NCK2: variants seen among roughly 807,000 people sequenced by gnomAD.
The protein encoded by NCK2 is cytoplasmic protein NCK2.
In NCK2, 16 loss-of-function variants were observed where a neutral mutation model predicts 33.9. The observed-to-expected ratio is 0.47, with a 90% CI of 0.32 to 0.72. The LOEUF (loss-of-function observed/expected upper bound fraction) is 0.72. Ranked by LOEUF, NCK2 falls within the 30% of genes least tolerant of loss-of-function variation. NCK2 has a pLI of 0.03. For missense variants in NCK2, 418 were observed against 537.3 expected (o/e 0.78, Z 2.19); for synonymous variants, 273 against 239.9 (o/e 1.14, Z -1.27).
chr2:105,821,678 C>T (rs927194066), intron 2 of NCK2, among the ~76,000 whole-genome samples: 4 of 152,030 alleles, frequency 2.6e-5, no homozygotes, highest in African/African-American at 9.7e-5. Flanking sequence ...GGCAGGTGCC[C>T]GGCACAGGGC....
At chr2:105,877,069 G>T (rs776743782) in intron 3 of NCK2, among the ~76,000 whole-genome samples, 1 of 152,140 alleles carries the variant, frequency 6.6e-6, no homozygotes, top group Admixed American at 6.5e-5. Flanking sequence ...ACAAGGGATC[G>T]CTGAGTCCCC....
At chr2:105,832,546 C>T (rs751752022) in intron 2 of NCK2, among the ~76,000 whole-genome samples, 2 of 152,124 alleles carry the variant, frequency 1.3e-5, no homozygotes, top group Non-Finnish European at 2.9e-5. Context: ...CTACATTTAT[C>T]GAGATGATCA....
At chr2:105,822,901 A>G (rs1675797434) in intron 2 of NCK2, among the ~76,000 whole-genome samples, 1 of 151,994 alleles carries the variant, frequency 6.6e-6, no homozygotes. Context: ...CCAGCGTTGG[A>G]TGGTGACCTG....
chr2:105,862,411 G>C (rs998697018), intron 3 of NCK2, among the ~76,000 whole-genome samples: 5 of 152,194 alleles, frequency 3.3e-5, no homozygotes, highest in Non-Finnish European at 7.3e-5. Context: ...AGCCTCAGTA[G>C]TGTTACTAAT....
chr2:105,765,743 G>A (rs1006790494), intron 1 of NCK2, among the ~76,000 whole-genome samples: 48 of 151,452 alleles, frequency 3.2e-4, no homozygotes, highest in South Asian at 2.1e-4. Flanking sequence ...TTTCACACCC[G>A]TAACAGGCAG....
chr2:105,792,765 G>A (rs1158986851), intron 1 of NCK2, among the ~76,000 whole-genome samples: 2 of 152,136 alleles, frequency 1.3e-5, no homozygotes, highest in Non-Finnish European at 2.9e-5. Flanking sequence ...TTCTGGCAAG[G>A]CTGCCCCTTA....
chr2:105,774,529 G>GAAC (rs968541772), intron 1 of NCK2, among the ~76,000 whole-genome samples: 23 of 152,196 alleles, frequency 1.5e-4, no homozygotes, highest in African/African-American at 5.3e-4. Context: ...TGAGCCCCTG[G>GAAC]AACAATGTAT....
Position 105,769,222 on chromosome 2 carries a change from A to G in NCK2, c.-201+24084A>G, listed in dbSNP as rs748247708. On this transcript the variant is annotated intron_variant, in intron 1 of 4. Transcript: ENST00000233154. Reference sequence around the variant, plus strand: ...GCCAGAAACCAGGGACCAAGACCAGAGATCTTTTTTATTATCCACCTGGGC... The same window carrying G: ...GCCAGAAACCAGGGACCAAGACCAGGGATCTTTTTTATTATCCACCTGGGC... 4.6e-5 allele frequency among the ~76,000 whole-genome samples: 7 copies of G among 151,946 alleles called. No homozygotes were observed. The East Asian group carries it at 1.4e-3, about 30-fold the overall frequency.
chr2:105,764,114 C>T lies in NCK2; in HGVS notation c.-201+18976C>T, dbSNP rs190207735. 7.0e-4 allele frequency among the ~76,000 whole-genome samples: 106 copies of T among 152,362 alleles called. No homozygotes were observed. In the Middle Eastern group the frequency reaches 0.014, roughly 20 times the overall value. Reference sequence around the variant, plus strand: ...TAAGCAATTTGTCCGAGTGCTAGTCCTGGCAGCTTCGCTTTGCAGAGCTTT... The same window carrying T: ...TAAGCAATTTGTCCGAGTGCTAGTCTTGGCAGCTTCGCTTTGCAGAGCTTT... On this transcript the variant is annotated intron_variant, in intron 1 of 4. Transcript: ENST00000233154.
chr2:105,798,237 TAAG>T lies in NCK2; in HGVS notation c.-200-18190_-200-18188del, dbSNP rs571219834. 1.4e-4 allele frequency among the ~76,000 whole-genome samples: 21 copies of T among 152,310 alleles called. No homozygotes were observed. The South Asian group carries it at 4.3e-3, about 32-fold the overall frequency. On this transcript the variant is annotated intron_variant, in intron 1 of 4. Coordinates refer to ENST00000233154, the MANE Select transcript of NCK2 (RefSeq NM_003581.5). The stretch of plus-strand genomic sequence containing the variant: ...TGTATTTGAAAGAGTAACGTGTAGG[TAAG>T]AAATAAGTTAGCCAAAACCATACTT...
intron 1 of NCK2, among the ~76,000 whole-genome samples, chr2:105,749,323 GAC>G (rs1434447545): frequency 1.3e-5 from 2 of 152,154 alleles, no homozygotes; most frequent in Non-Finnish European, 2.9e-5. Flanking sequence ...CTTCTTTTGA[GAC>G]AATTTTGGAA....
chr2:105,799,781 T>G (rs1033697036), intron 1 of NCK2, among the ~76,000 whole-genome samples: 1 of 152,124 alleles, frequency 6.6e-6, no homozygotes, highest in Non-Finnish European at 1.5e-5. Context: ...TTAAGATAGA[T>G]CCATTTCAAG....
rs538292232 is a variant in NCK2, at chr2:105,894,137, C to T, written c.*961C>T. 6.5e-6 allele frequency: 1 copy of T among 152,672 alleles called. No individual in the cohort carries two copies. Among genetic ancestry groups the T allele is most frequent in the East Asian group, 1.9e-4 (1 of 5,184 alleles). The allele number at this position is 152,672 out of a possible 1,614,324, so 9.5% of individuals were successfully genotyped here. A position where few individuals can be genotyped will look rare whatever the true frequency, so the allele number is the denominator to read the frequency against. ...GAAATTGCATTTTCTTTTTCCTTTA[C>T]ATTTGAACTTCTTTATAGTTTAAAT... is the stretch of plus-strand genomic sequence containing the variant. On this transcript the variant is annotated 3_prime_UTR_variant, in exon 5 of 5. Coordinates refer to ENST00000233154, the MANE Select transcript of NCK2 (RefSeq NM_003581.5).
intron 1 of NCK2, among the ~76,000 whole-genome samples, chr2:105,745,474 C>CCCG (rs1349287447): frequency 1.3e-5 from 2 of 151,932 alleles, no homozygotes; most frequent in African/African-American, 4.8e-5. Flanking sequence ...ACTGGAGACC[C>CCCG]CCGGGTGCGC....
chr2:105,836,504 G>A (rs1007867593), intron 2 of NCK2, among the ~76,000 whole-genome samples: 6 of 152,192 alleles, frequency 3.9e-5, no homozygotes, highest in African/African-American at 1.2e-4. Context: ...TCCAGGCTGC[G>A]TATGTGGCAG....
intron 2 of NCK2, among the ~76,000 whole-genome samples, chr2:105,853,182 T>C (rs146370163): frequency 1.4e-3 from 215 of 152,304 alleles, no homozygotes; most frequent in Middle Eastern, 3.4e-3. Context: ...CTCCCTAGTT[T>C]GGAGAAATGT....
chr2:105,841,339 A>G (rs1676637483), intron 2 of NCK2, among the ~76,000 whole-genome samples: 2 of 152,206 alleles, frequency 1.3e-5, no homozygotes, highest in Admixed American at 6.5e-5. Flanking sequence ...AGTTGGCTTA[A>G]TAAACTTCTG....
chr2:105,762,002 G>C (rs1430440182), intron 1 of NCK2, among the ~76,000 whole-genome samples: 1 of 152,126 alleles, frequency 6.6e-6, no homozygotes, highest in Admixed American at 6.5e-5. Flanking sequence ...AAAATATCTT[G>C]TCCTTTTTCT....
At chr2:105,813,316 C>G (rs775343631) in intron 1 of NCK2, among the ~76,000 whole-genome samples, 6 of 152,204 alleles carry the variant, frequency 3.9e-5, no homozygotes, top group Admixed American at 6.5e-5. Context: ...TGAAGGCTGA[C>G]TTTAGTCTCT....
Sources: allele counts gnomAD v4.1 joint callset (sites outside exome capture counted in the v4.1 genomes callset), GRCh38; gene constraint gnomAD v4.1.1; transcripts MANE v1.5; gene names NCBI Gene and HGNC (gene_info 2026-07-23, HGNC 2026-07-21).